Variants in NDNF observed in about 807,000 individuals in gnomAD.
NDNF encodes protein NDNF.
A neutral mutation model predicts 42.0 loss-of-function variants in NDNF; 16 were observed. That is an observed-to-expected ratio of 0.38 (90% confidence interval 0.26 to 0.58). The LOEUF (loss-of-function observed/expected upper bound fraction) is 0.58. Ranked by LOEUF, NDNF falls within the 20% of genes least tolerant of loss-of-function variation. The pLI is 0.67. For synonymous variants in NDNF, 248 were observed against 251.7 expected, an observed-to-expected ratio of 0.99 and a Z score of 0.14; for missense variants, 616 against 666.2, an observed-to-expected ratio of 0.92 and a Z score of 0.83.
At position 121,045,823 on chromosome 4, in the gene NDNF, G is replaced by C; in HGVS notation, c.15C>G (p.His5Gln). The C allele has an allele frequency of 6.2e-7, 1 of 1,614,176 alleles. No individual in the cohort carries two copies. The highest frequency in any genetic ancestry group is 8.5e-7 in the Non-Finnish European group (1 of 1,180,018). The change falls in exon 2 of 4, where the codon CAC (histidine) becomes CAG (glutamine). Residue 5 changes from histidine to glutamine, a missense_variant. Transcript: ENST00000379692. MVLL[H>Q]WCLLWLLFPL... ...GAAACAGGAGCCACAGCAGGCACCA[G>C]TGGAGCAGCACCATCCTGAGGCAAC...
intron 3 of NDNF, among the ~76,000 whole-genome samples, chr4:121,039,206 A>G (rs78418275): frequency 3.7e-4 from 14 of 37,530 alleles, no homozygotes; most frequent in South Asian, 8.6e-4. Flanking sequence ...ATATATATAT[A>G]TATATATATA....
rs1220563559 is a variant in NDNF, at chr4:121,037,457, G to A, written c.514C>T (p.Pro172Ser). The part of the protein sequence containing the change: ...YATTTPESDQ[P>S]YPELPYDPRV... ...GGGTCATAGGGTAACTCAGGGTATGGCTGATCAGATTCTGGAGTTGTGGTG... is the reference window on the plus strand; with the variant it reads ...GGGTCATAGGGTAACTCAGGGTATGACTGATCAGATTCTGGAGTTGTGGTG... The change falls in exon 4 of 4, where the codon CCA (proline) becomes TCA (serine). Residue 172 changes from proline to serine, a missense_variant. Physicochemically the swap from Pro to Ser is moderately conservative, Grantham distance 74. Transcript: ENST00000379692. 6.2e-7 allele frequency: 1 copy of A among 1,614,012 alleles called. No individual in the cohort carries two copies. The highest frequency in any genetic ancestry group is 8.5e-7 in the Non-Finnish European group (1 of 1,180,036).
Position 121,036,771 on chromosome 4 carries a change from A to G in NDNF, c.1200T>C (p.Asn400=), listed in dbSNP as rs1259435008. The G allele has an allele frequency of 6.2e-7, 1 of 1,614,142 alleles. No homozygotes were observed. Among genetic ancestry groups the G allele is most frequent in the East Asian group, 2.2e-5 (1 of 44,878 alleles). The change falls in exon 4 of 4, where the codon AAT becomes AAC. Residue 400 remains asparagine (N), a synonymous_variant. Transcript: ENST00000379692. ...GCTGAAACTGCTGAATGCCTTCCAC[A>G]TTCTGAGACAGAAGAAGTTTCCCAT... ...RRDGKLLLSQ[N]VEGIQQFQLR...
intron 1 of NDNF, among the ~76,000 whole-genome samples, chr4:121,057,557 A>C (rs1727317876): frequency 6.6e-6 from 1 of 152,132 alleles, no homozygotes; most frequent in Non-Finnish European, 1.5e-5. Flanking sequence ...CAGGGAGGAC[A>C]CCAGATGCTC....
In NDNF at chr4:121,072,038, C is replaced by G. The variant is rs1727614579; in HGVS notation, c.-47G>C. 6.6e-6 allele frequency: 1 copy of G among 152,272 alleles called. No homozygotes were observed. Among genetic ancestry groups the G allele is most frequent in the Admixed American group, 6.5e-5 (1 of 15,286 alleles). The allele number at this position is 152,272 out of a possible 1,614,324, so 9.4% of individuals were successfully genotyped here. A position where few individuals can be genotyped will look rare whatever the true frequency, so the allele number is the denominator to read the frequency against. Reference sequence around the variant, plus strand: ...GTAGGGAAAATAGAAAAAAATCCCTCCCCGTGGTGTGGTGTGCGAAATAGT... The same window carrying G: ...GTAGGGAAAATAGAAAAAAATCCCTGCCCGTGGTGTGGTGTGCGAAATAGT... On this transcript the variant is annotated 5_prime_UTR_variant, in exon 1 of 4. Coordinates refer to ENST00000379692, the MANE Select transcript of NDNF (RefSeq NM_024574.4).
At position 121,060,388 on chromosome 4, in the gene NDNF, C is replaced by T. The variant is rs543431103; in HGVS notation, c.-2+11605G>A. Reference sequence around the variant, plus strand: ...TAGAGATGAGGTTTCCATTGGTTGCCCAGGCTGGTTTTGAACTCCTGGCTT... The same window carrying T: ...TAGAGATGAGGTTTCCATTGGTTGCTCAGGCTGGTTTTGAACTCCTGGCTT... On this transcript the variant is annotated intron_variant, in intron 1 of 3. Transcript: ENST00000379692. Among the ~76,000 whole-genome samples, 3 of 152,072 alleles carry T rather than the reference C, an allele frequency of 2.0e-5. No individual in the cohort carries two copies. In the South Asian group the frequency reaches 6.3e-4, roughly 32 times the overall value.
chr4:121,057,950 G>A (rs552480816), intron 1 of NDNF, among the ~76,000 whole-genome samples: 7 of 152,146 alleles, frequency 4.6e-5, no homozygotes, highest in Non-Finnish European at 1.0e-4. Context: ...CAATAAGGTG[G>A]AATTACAGTC....
At chr4:121,064,686 T>C (rs2148772285) in intron 1 of NDNF, among the ~76,000 whole-genome samples, 2 of 152,324 alleles carry the variant, frequency 1.3e-5, no homozygotes, top group African/African-American at 2.4e-5. Context: ...GTCTGAGGTC[T>C]GAGGTCTCCA....
chr4:121,045,351 C>G (rs1318483728), intron 2 of NDNF, among the ~76,000 whole-genome samples: 1 of 136,302 alleles, frequency 7.3e-6, no homozygotes, highest in African/African-American at 2.7e-5. Context: ...GACTCCGTCT[C>G]AGGGAAAAAA....
intron 1 of NDNF, chr4:121,071,411 C>G (rs1487018450): frequency 2.0e-5 from 3 of 152,192 alleles, no homozygotes; most frequent in Admixed American, 6.5e-5. Flanking sequence ...GCCCCGGCTG[C>G]GCAGCTCCCA....
rs537118136 is a variant in NDNF at position 121,058,537 on chromosome 4, AG to A, written c.-1-12700del. On this transcript the variant is annotated intron_variant, in intron 1 of 3. Coordinates refer to ENST00000379692, the MANE Select transcript of NDNF (RefSeq NM_024574.4). ...TCCATGTTTGTTGACTGAAGTGAACAGTAGGTCCTGACGAGGCGGCTGAAGC... is the reference window on the plus strand; with the variant it reads ...TCCATGTTTGTTGACTGAAGTGAACATAGGTCCTGACGAGGCGGCTGAAGC... Among the ~76,000 whole-genome samples, 69 of 152,316 alleles carry A rather than the reference AG, an allele frequency of 4.5e-4. No individual in the cohort carries two copies. The South Asian group carries it at 9.1e-3, about 20-fold the overall frequency.
intron 2 of NDNF, among the ~76,000 whole-genome samples, chr4:121,042,981 C>G (rs1178180430): frequency 6.6e-6 from 1 of 152,132 alleles, no homozygotes; most frequent in African/African-American, 2.4e-5. Flanking sequence ...GGGAGACCCT[C>G]TAAGTTAACA....
intron 2 of NDNF, among the ~76,000 whole-genome samples, chr4:121,045,160 G>A (rs1397893038): frequency 6.6e-6 from 1 of 152,126 alleles, no homozygotes; most frequent in Non-Finnish European, 1.5e-5. Context: ...AGACTATCCC[G>A]GCTAACATGG....
rs545652703 is a variant in NDNF, at chr4:121,062,132, C to G, written c.-2+9861G>C. ...GAGTTTCAGCATCAGATTATTCCAT[C>G]TTTATTTACCTATCAGGTAAAAGAT... On this transcript the variant is annotated intron_variant, in intron 1 of 3. Coordinates refer to ENST00000379692, the MANE Select transcript of NDNF (RefSeq NM_024574.4). 2.6e-5 allele frequency among the ~76,000 whole-genome samples: 4 copies of G among 152,296 alleles called. No homozygotes were observed. The South Asian group carries it at 8.3e-4, about 32-fold the overall frequency.
intron 1 of NDNF, among the ~76,000 whole-genome samples, chr4:121,064,226 G>T (rs1727462323): frequency 6.6e-6 from 1 of 152,166 alleles, no homozygotes; most frequent in African/African-American, 2.4e-5. Context: ...AGGAGTAGAA[G>T]GATAGAATAT....
chr4:121,062,444 G>A (rs1044830305), intron 1 of NDNF, among the ~76,000 whole-genome samples: 6 of 152,146 alleles, frequency 3.9e-5, no homozygotes, highest in African/African-American at 1.4e-4. Flanking sequence ...GGGATGTTCT[G>A]CATTATTATT....
chr4:121,065,110 T>C (rs1452694698), intron 1 of NDNF, among the ~76,000 whole-genome samples: 1 of 152,194 alleles, frequency 6.6e-6, no homozygotes, highest in Non-Finnish European at 1.5e-5. Context: ...AATGTCATTA[T>C]TTTTATCTTG....
In NDNF at chr4:121,045,784, C is replaced by T; in HGVS notation, c.54G>A (p.Arg18=). The T allele has an allele frequency of 6.2e-7, 1 of 1,614,182 alleles. No homozygotes were observed. The highest frequency in any genetic ancestry group is 8.5e-7 in the Non-Finnish European group (1 of 1,180,030). ...LLWLLFPLSS[R]TQKLPTRDEE... Reference sequence around the variant, plus strand: ...CATCCCGGGTGGGTAACTTCTGGGTCCTTGAGCTGAGTGGAAACAGGAGCC... The same window carrying T: ...CATCCCGGGTGGGTAACTTCTGGGTTCTTGAGCTGAGTGGAAACAGGAGCC... The change falls in exon 2 of 4, where the codon AGG becomes AGA. Residue 18 remains arginine, a synonymous_variant. Coordinates refer to ENST00000379692, the MANE Select transcript of NDNF (RefSeq NM_024574.4).
chr4:121,070,799 A>T (rs1165075561), intron 1 of NDNF, among the ~76,000 whole-genome samples: 1 of 152,190 alleles, frequency 6.6e-6, no homozygotes, highest in Non-Finnish European at 1.5e-5. Flanking sequence ...TTCCCGCTCA[A>T]GGTCTTGGTT....
Sources: allele counts gnomAD v4.1 joint callset (sites outside exome capture counted in the v4.1 genomes callset), GRCh38; gene constraint gnomAD v4.1.1; transcripts MANE v1.5; gene names NCBI Gene and HGNC (gene_info 2026-07-23, HGNC 2026-07-21).